The following ANGPT1 variants were observed in gnomAD, a reference collection of about 807,000 sequenced individuals.
ANGPT1 encodes the protein angiopoietin 1.
Under a neutral mutation model 62.2 loss-of-function variants are expected in ANGPT1, and 17 were observed. The ratio of observed to expected loss-of-function variants is 0.27; its 90% confidence interval spans 0.19 to 0.41. The LOEUF (loss-of-function observed/expected upper bound fraction) is 0.41. Ranked by LOEUF, ANGPT1 falls within the 10% of genes least tolerant of loss-of-function variation. ANGPT1 has a pLI of 1.00. For synonymous variants in ANGPT1, 199 were observed against 198.9 expected, an observed-to-expected ratio of 1.00 and a Z score of 0.00; for missense variants, 478 against 594.9, an observed-to-expected ratio of 0.80 and a Z score of 2.04.
rs1293173084 is a variant in ANGPT1 at position 107,303,386 on chromosome 8, AG to A, written c.809-20del. 4 of 1,568,246 alleles carry A rather than the reference AG, an allele frequency of 2.6e-6. No individual in the cohort carries two copies. In the East Asian group the frequency reaches 9.0e-5, roughly 35 times the overall value. On this transcript the variant is annotated intron_variant, in intron 4 of 8. Transcript: ENST00000517746. ...AGTAAAACTGCAAAAAAAAAAAAAA[AG>A]ATTGCAATATGTGAATATCAGTACC...
chr8:107,361,204 A>AT (rs1365991941), intron 1 of ANGPT1, among the ~76,000 whole-genome samples: 4 of 151,880 alleles, frequency 2.6e-5, no homozygotes, highest in South Asian at 2.1e-4. Flanking sequence ...TAATATTATG[A>AT]TTTTTTTTAA....
intron 1 of ANGPT1, among the ~76,000 whole-genome samples, chr8:107,360,750 C>T (rs772976086): frequency 2.1e-4 from 32 of 152,010 alleles, no homozygotes; most frequent in Middle Eastern, 3.2e-3. Flanking sequence ...TGATGATCAC[C>T]GTCAGGCAGT....
intron 2 of ANGPT1, among the ~76,000 whole-genome samples, chr8:107,346,082 T>C (rs1039672281): frequency 5.3e-5 from 8 of 152,204 alleles, no homozygotes; most frequent in African/African-American, 1.9e-4. Flanking sequence ...TTATGTTATA[T>C]AGGTTTTATC....
At chr8:107,333,795 T>G (rs1188715411) in intron 3 of ANGPT1, among the ~76,000 whole-genome samples, 1 of 151,718 alleles carries the variant, frequency 6.6e-6, no homozygotes, top group Non-Finnish European at 1.5e-5. Flanking sequence ...AAATATAATA[T>G]TTCATAGTGA....
chr8:107,352,229 A>G (rs1158860332), intron 1 of ANGPT1, among the ~76,000 whole-genome samples: 2 of 152,212 alleles, frequency 1.3e-5, no homozygotes, highest in African/African-American at 4.8e-5. Flanking sequence ...TTGTTCAAAG[A>G]TTGACCATTT....
At chr8:107,404,095 G>C (rs763753760) in intron 1 of ANGPT1, among the ~76,000 whole-genome samples, 23 of 152,144 alleles carry the variant, frequency 1.5e-4, no homozygotes, top group Non-Finnish European at 7.4e-5. Flanking sequence ...TCAGCTTCGT[G>C]CCGGCCACAA....
At chr8:107,411,290 C>G (rs1182851696) in intron 1 of ANGPT1, among the ~76,000 whole-genome samples, 2 of 152,134 alleles carry the variant, frequency 1.3e-5, no homozygotes, top group African/African-American at 4.8e-5. Context: ...TGGTATTGTA[C>G]AATTTTCAAA....
intron 1 of ANGPT1, among the ~76,000 whole-genome samples, chr8:107,475,456 ACC>A (rs1277783792): frequency 5.9e-5 from 9 of 152,200 alleles, no homozygotes; most frequent in African/African-American, 1.9e-4. Context: ...TAAAGACTTA[ACC>A]ATTAGACCTA....
chr8:107,399,700 T>C (rs922238332), intron 1 of ANGPT1, among the ~76,000 whole-genome samples: 17 of 152,046 alleles, frequency 1.1e-4, no homozygotes, highest in African/African-American at 4.1e-4. Flanking sequence ...CCTCAAACCC[T>C]TTCCACTCCA....
chr8:107,450,116 CAGAACTAAAAATGACCTG>C (rs1335354801), intron 1 of ANGPT1, among the ~76,000 whole-genome samples: 3 of 152,000 alleles, frequency 2.0e-5, no homozygotes, highest in African/African-American at 7.2e-5. Context: ...AAAGCTGACA[CAGAACTAAAAATGACCTG>C]AGAACTAAAA....
intron 4 of ANGPT1, among the ~76,000 whole-genome samples, chr8:107,311,197 T>C (rs1814853436): frequency 6.8e-6 from 1 of 146,716 alleles, no homozygotes; most frequent in Non-Finnish European, 1.5e-5. Context: ...CAGAAAATTT[T>C]AAAAAGTAGG....
Position 107,434,627 on chromosome 8 carries a change from G to A in ANGPT1, c.297+62635C>T, listed in dbSNP as rs79723480. Among the ~76,000 whole-genome samples, 91 of 105,590 alleles carry A rather than the reference G, an allele frequency of 8.6e-4. No homozygotes were observed. The East Asian group carries it at 0.02, about 23-fold the overall frequency. 69.3% of individuals were successfully genotyped at this position (105,590 alleles called of 152,430 possible). ...AAGAAAAAAATACTAAACTTCAATA[G>A]CAAATTAACTAAGTTAAAGTATATA... On this transcript the variant is annotated intron_variant, in intron 1 of 8. Transcript: ENST00000517746.
rs945813259 is a variant in ANGPT1 at position 107,392,826 on chromosome 8, A to C, written c.298-45729T>G. Among the ~76,000 whole-genome samples the C allele has an allele frequency of 2.0e-5, 3 of 152,200 alleles. No individual in the cohort carries two copies. In the South Asian group the frequency reaches 6.2e-4, roughly 31 times the overall value. ...TTCCAGAAGAAGAGTTGTTTTTGCC[A>C]AACTGTTCACTTGGTAAATAATCTT... is the stretch of plus-strand genomic sequence containing the variant. On this transcript the variant is annotated intron_variant, in intron 1 of 8. Coordinates refer to ENST00000517746, the MANE Select transcript of ANGPT1 (RefSeq NM_001146.5).
chr8:107,446,021 G>A (rs1006820819), intron 1 of ANGPT1, among the ~76,000 whole-genome samples: 1 of 152,136 alleles, frequency 6.6e-6, no homozygotes, highest in Non-Finnish European at 1.5e-5. Flanking sequence ...GGGGTCAAGC[G>A]ATTCTTCTGC....
chr8:107,408,001 A>G (rs1817184709), intron 1 of ANGPT1, among the ~76,000 whole-genome samples: 1 of 152,200 alleles, frequency 6.6e-6, no homozygotes, highest in African/African-American at 2.4e-5. Flanking sequence ...GAGAAAGCGA[A>G]TTTGGTAAGC....
chr8:107,327,506 T>C (rs1815317183), intron 3 of ANGPT1, among the ~76,000 whole-genome samples: 1 of 152,152 alleles, frequency 6.6e-6, no homozygotes, highest in African/African-American at 2.4e-5. Flanking sequence ...CACTGTTTCC[T>C]AGAGCATATT....
intron 1 of ANGPT1, among the ~76,000 whole-genome samples, chr8:107,389,290 G>A (rs995901388): frequency 2.6e-5 from 4 of 152,124 alleles, no homozygotes; most frequent in African/African-American, 4.8e-5. Flanking sequence ...CAAGGACTAC[G>A]TGCTATGTCT....
At chr8:107,355,496 T>A (rs1203860115) in intron 1 of ANGPT1, among the ~76,000 whole-genome samples, 1 of 152,172 alleles carries the variant, frequency 6.6e-6, no homozygotes, top group Non-Finnish European at 1.5e-5. Context: ...AACACTGTAT[T>A]CGTCATAGAT....
intron 1 of ANGPT1, among the ~76,000 whole-genome samples, chr8:107,378,509 T>G (rs540797543): frequency 6.6e-6 from 1 of 152,184 alleles, no homozygotes; most frequent in Admixed American, 6.5e-5. Flanking sequence ...ACACACACCA[T>G]ATATACCTAA....
Sources: gnomAD v4.1 joint callset for allele counts (sites outside exome capture counted in the v4.1 genomes callset) on GRCh38, gnomAD v4.1.1 for gene constraint, MANE v1.5 for transcripts, NCBI Gene and HGNC (gene_info 2026-07-23, HGNC 2026-07-21) for gene names.